The following ZNF710 variants were observed in gnomAD, a reference collection of about 807,000 sequenced individuals.
The protein encoded by ZNF710 is zinc finger protein 710.
Under a neutral mutation model 50.6 loss-of-function variants are expected in ZNF710, and 13 were observed. That is an observed-to-expected ratio of 0.26 (90% CI 0.17 to 0.41). The LOEUF (loss-of-function observed/expected upper bound fraction) is 0.41, where lower values mean the gene tolerates loss of function less well. Ranked by LOEUF, ZNF710 falls within the 10% of genes least tolerant of loss-of-function variation. The pLI is 1.00. For synonymous variants in ZNF710, 383 were observed against 397.0 expected, an observed-to-expected ratio of 0.96 and a Z score of 0.42; for missense variants, 721 against 936.6, an observed-to-expected ratio of 0.77 and a Z score of 3.01.
chr15:90,007,201 G>A lies in ZNF710; in HGVS notation c.-29+5587G>A, dbSNP rs141373217. Among the ~76,000 whole-genome samples, 722 of 152,244 alleles carry A rather than the reference G, an allele frequency of 4.7e-3. 3 individuals are homozygous for A. The highest frequency in any genetic ancestry group is 7.8e-3 in the Non-Finnish European group (533 of 68,024). ...TTGGCCTGAAGCAAGAGAAAAACTG[G>A]CAAGGGTCAAAAGGGCTTTGGGGAG... On this transcript the variant is annotated intron_variant, in intron 1 of 4. Coordinates refer to ENST00000268154, the MANE Select transcript of ZNF710 (RefSeq NM_198526.4).
intron 1 of ZNF710, among the ~76,000 whole-genome samples, chr15:90,022,036 CCA>C (rs1438832542): frequency 6.9e-6 from 1 of 145,386 alleles, no homozygotes; most frequent in Non-Finnish European, 1.5e-5. Context: ...GAGCTGAGAT[CCA>C]GCCACTGTAC....
rs574872419 is a variant in ZNF710, at chr15:90,009,921, T to G, written c.-29+8307T>G. On this transcript the variant is annotated intron_variant, in intron 1 of 4. Coordinates refer to ENST00000268154, the MANE Select transcript of ZNF710 (RefSeq NM_198526.4). The stretch of plus-strand genomic sequence containing the variant: ...CTTGTGTGACTTCCTCTTACCTGAC[T>G]GCCCGGTGGCCCATCTTGTGACTTC... Among the ~76,000 whole-genome samples the G allele has an allele frequency of 4.6e-5, 7 of 152,242 alleles. No homozygotes were observed. In the East Asian group the frequency reaches 1.4e-3, roughly 29 times the overall value.
chr15:90,051,058 G>C (rs1044370947), intron 1 of ZNF710, among the ~76,000 whole-genome samples: 1 of 151,938 alleles, frequency 6.6e-6, no homozygotes, highest in Non-Finnish European at 1.5e-5. Context: ...GGCCAACATG[G>C]TGAAACCCCA....
upstream of ZNF710, among the ~76,000 whole-genome samples, chr15:90,000,056 C>T (rs1395117290): frequency 1.3e-5 from 2 of 152,094 alleles, no homozygotes; most frequent in Non-Finnish European, 2.9e-5. Flanking sequence ...CACGTTTCTC[C>T]CCCTGGCTGC....
intron 1 of ZNF710, among the ~76,000 whole-genome samples, chr15:90,039,022 TA>T (rs2151493597): frequency 6.6e-6 from 1 of 152,286 alleles, no homozygotes; most frequent in South Asian, 2.1e-4. Flanking sequence ...CTCACGCCTA[TA>T]ATCCCATCAC....
At chr15:90,032,569 G>C (rs933806870) in intron 1 of ZNF710, among the ~76,000 whole-genome samples, 1 of 151,904 alleles carries the variant, frequency 6.6e-6, no homozygotes, top group African/African-American at 2.4e-5. Context: ...CTTGAGGTCA[G>C]GAGTTCGAGA....
upstream of ZNF710, among the ~76,000 whole-genome samples, chr15:90,000,887 C>T (rs917479314): frequency 3.3e-5 from 5 of 152,042 alleles, no homozygotes; most frequent in African/African-American, 7.2e-5. Context: ...GGCCCCCGGG[C>T]CCCCTTTGTA....
chr15:90,000,806 G>A (rs962660882), upstream of ZNF710, among the ~76,000 whole-genome samples: 5 of 152,258 alleles, frequency 3.3e-5, no homozygotes, highest in South Asian at 2.1e-4. Flanking sequence ...CCGCACCCGT[G>A]CCCCAACACC....
intron 1 of ZNF710, among the ~76,000 whole-genome samples, chr15:90,027,235 G>C (rs1297761224): frequency 6.6e-6 from 1 of 151,652 alleles, no homozygotes; most frequent in Non-Finnish European, 1.5e-5. Flanking sequence ...TTTGGAGACA[G>C]AGTCTTGCTC....
chr15:90,028,419 T>G (rs1014003142), intron 1 of ZNF710, among the ~76,000 whole-genome samples: 1 of 152,172 alleles, frequency 6.6e-6, no homozygotes, highest in African/African-American at 2.4e-5. Flanking sequence ...GAGAAGGTAT[T>G]TAGGAGTCAC....
At chr15:90,057,619 G>C (rs7163501) in intron 1 of ZNF710, among the ~76,000 whole-genome samples, 21,288 of 151,314 alleles carry the variant, frequency 0.14, 3,835 homozygotes, top group African/African-American at 0.42. Flanking sequence ...ATCGCTTGAA[G>C]CCAGAAGGTG....
intron 1 of ZNF710, among the ~76,000 whole-genome samples, chr15:90,035,835 A>G (rs1219263719): frequency 1.3e-5 from 2 of 152,244 alleles, no homozygotes; most frequent in African/African-American, 4.8e-5. Flanking sequence ...TGCAGGTCTC[A>G]TGTTTAAAAG....
chr15:90,052,111 T>A (rs1159627985), intron 1 of ZNF710, among the ~76,000 whole-genome samples: 5 of 152,110 alleles, frequency 3.3e-5, no homozygotes, highest in Admixed American at 1.3e-4. Flanking sequence ...TGAGCCAGCC[T>A]TTTAGTGGAG....
intron 1 of ZNF710, among the ~76,000 whole-genome samples, chr15:90,022,760 AC>A (rs1898661450): frequency 6.6e-6 from 1 of 152,216 alleles, no homozygotes; most frequent in Non-Finnish European, 1.5e-5. Flanking sequence ...TCTGCTTTGC[AC>A]CAGCTGTTTA....
chr15:90,016,701 G>A (rs926816134), intron 1 of ZNF710, among the ~76,000 whole-genome samples: 2 of 152,190 alleles, frequency 1.3e-5, no homozygotes, highest in Admixed American at 6.5e-5. Flanking sequence ...GATTATAGGC[G>A]TGGGCCACTG....
At chr15:90,025,681 A>C (rs1280764387) in intron 1 of ZNF710, 2 of 152,258 alleles carry the variant, frequency 1.3e-5, no homozygotes, top group African/African-American at 4.8e-5. Context: ...ATGCTTTGCA[A>C]ACATTTCTGT....
Position 90,059,849 on chromosome 15 carries a change from G to C in ZNF710, c.-28-7261G>C, listed in dbSNP as rs917768778. On this transcript the variant is annotated intron_variant, in intron 1 of 4. Transcript: ENST00000268154. This position sits in a 1 kb window ranked among gnomAD's most constrained non-coding sequence, Gnocchi z 4.1. ...TGGTTTCCTTAGGCGGTGAAATCCC[G>C]TGCATGTTTTTCACAGCGGGTGTAC... Among the ~76,000 whole-genome samples, 2 of 152,210 alleles carry C rather than the reference G, an allele frequency of 1.3e-5. No homozygotes were observed. The highest frequency in any genetic ancestry group is 2.9e-5 in the Non-Finnish European group (2 of 68,038).
rs977110838 is a variant in ZNF710, at chr15:90,056,675, C to G, written c.-28-10435C>G. Among the ~76,000 whole-genome samples the G allele has an allele frequency of 4.6e-5, 7 of 152,230 alleles. No individual in the cohort carries two copies. In the East Asian group the frequency reaches 1.3e-3, roughly 29 times the overall value. Reference sequence around the variant, plus strand: ...ATGCGTTTACTGGGCATGTGAGCTGCGAGGTGGGAGGATCAGGCCCATGGC... The same window carrying G: ...ATGCGTTTACTGGGCATGTGAGCTGGGAGGTGGGAGGATCAGGCCCATGGC... On this transcript the variant is annotated intron_variant, in intron 1 of 4. Transcript: ENST00000268154.
At chr15:90,026,263 C>CCA (rs1555456426) in intron 1 of ZNF710, among the ~76,000 whole-genome samples, 182 of 100,538 alleles carry the variant, frequency 1.8e-3, no homozygotes, top group African/African-American at 7.5e-3. Context: ...ACAACAACAA[C>CCA]AACAACAAAA....
Sources: gnomAD v4.1 joint callset for allele counts (sites outside exome capture counted in the v4.1 genomes callset) on GRCh38, gnomAD v4.1.1 for gene constraint, Gnocchi (gnomAD v3.1) non-coding constraint, MANE v1.5 for transcripts, NCBI Gene and HGNC (gene_info 2026-07-23, HGNC 2026-07-21) for gene names.